ADGRB2: variants seen among roughly 807,000 people sequenced by gnomAD.
ADGRB2 encodes the protein adhesion G protein-coupled receptor B2, also known as brain-specific angiogenesis inhibitor 2.
Under a neutral mutation model 178.7 loss-of-function variants are expected in ADGRB2, and 47 were observed. That is an observed-to-expected ratio of 0.26 (90% CI 0.21 to 0.34). The LOEUF is 0.34. Ranked by LOEUF, ADGRB2 falls within the 10% of genes least tolerant of loss-of-function variation. ADGRB2 has a pLI of 1.00. For missense variants in ADGRB2, 1,584 were observed against 2,180.8 expected (o/e 0.73, Z 5.45); for synonymous variants, 870 against 912.4 (o/e 0.95, Z 0.84).
intron 4 of ADGRB2, among the ~76,000 whole-genome samples, chr1:31,748,176 G>A (rs1012545130): frequency 2.0e-5 from 3 of 152,218 alleles, no homozygotes; most frequent in Non-Finnish European, 2.9e-5. Flanking sequence ...TGTAACAGGA[G>A]GGGCAGGGCG....
rs960815765 is a variant in ADGRB2 at position 31,753,901 on chromosome 1, A to G, written c.838+2098T>C. Among the ~76,000 whole-genome samples the G allele has an allele frequency of 6.6e-6, 1 of 152,188 alleles. No individual in the cohort carries two copies. Among genetic ancestry groups the G allele is most frequent in the Non-Finnish European group, 1.5e-5 (1 of 68,016 alleles). ...GCCCAGCTCTGGGCACCAGTGTGCC[A>G]TGTGAGCCCACTTATGACAGCTGAT... On this transcript the variant is annotated intron_variant, in intron 4 of 32. Transcript: ENST00000373658. This position sits in a 1 kb window ranked among gnomAD's most constrained non-coding sequence, Gnocchi z 4.1.
At chr1:31,736,791 C>T in intron 20 of ADGRB2, 68 bp from the exon 21 acceptor site, 7 of 1,545,932 alleles carry the variant, frequency 4.5e-6, no homozygotes, top group African/African-American at 1.4e-5. Flanking sequence ...CCGGGCTTCC[C>T]ACGCCCGCTG....
rs1646795748 is a variant in ADGRB2 at position 31,755,676 on chromosome 1, G to C, written c.838+323C>G. 6.6e-6 allele frequency among the ~76,000 whole-genome samples: 1 copy of C among 151,680 alleles called. No homozygotes were observed. The highest frequency in any genetic ancestry group is 2.1e-4 in the South Asian group (1 of 4,814). The stretch of plus-strand genomic sequence containing the variant: ...CCTAGAATGCCCTCATCTCACTTCT[G>C]CTTGTCCTTCAGGTCTCTGTTCCTG... On this transcript the variant is annotated intron_variant, in intron 4 of 32. Transcript: ENST00000373658. This position sits in a 1 kb window ranked among gnomAD's most constrained non-coding sequence, Gnocchi z 5.1.
intron 29 of ADGRB2, 43 bp downstream of exon 29, chr1:31,730,757 G>T: frequency 7.1e-7 from 1 of 1,417,686 alleles, no homozygotes; most frequent in South Asian, 1.9e-5. Flanking sequence ...GCCTGTGATT[G>T]ACACAGTCTC....
At chr1:31,732,880 G>T in intron 26 of ADGRB2, 92 bp downstream of exon 26, 1 of 1,458,888 alleles carries the variant, frequency 6.9e-7, no homozygotes, top group Non-Finnish European at 9.2e-7. Flanking sequence ...ACCCTGGTCG[G>T]GGCCTCGATC....
intron 21 of ADGRB2, 91 bp from the exon 22 acceptor site, chr1:31,736,481 C>A: frequency 6.2e-7 from 1 of 1,601,194 alleles, no homozygotes; most frequent in South Asian, 1.1e-5. Context: ...ACCCCTGTGC[C>A]CAGAGAGCTG....
chr1:31,757,907 G>A (rs1197112971), intron 1 of ADGRB2, among the ~76,000 whole-genome samples: 1 of 152,178 alleles, frequency 6.6e-6, no homozygotes, highest in East Asian at 1.9e-4. Flanking sequence ...ATGTACTCCA[G>A]GTGTGGGTGG....
rs1254714721 is a variant in ADGRB2, at chr1:31,764,307, C to T, written c.-614G>A. 1 of 155,614 alleles carries T rather than the reference C, an allele frequency of 6.4e-6. No individual in the cohort carries two copies. Among genetic ancestry groups the T allele is most frequent in the African/African-American group, 2.5e-5 (1 of 40,750 alleles). 9.6% of individuals were successfully genotyped at this position (155,614 alleles called of 1,614,324 possible). A position where few individuals can be genotyped will look rare whatever the true frequency, so the allele number is the denominator to read the frequency against. ...GCCGAACCCGGTTCCTCCGGCCGCT[C>T]CGGCCGCTGCCCGCAGCGCGCGCCG... On this transcript the variant is annotated 5_prime_UTR_variant, in exon 1 of 33. Coordinates refer to ENST00000373658, the MANE Select transcript of ADGRB2 (RefSeq NM_001364857.2). The surrounding 1 kb of genome is among the most constrained non-coding windows in gnomAD (Gnocchi z 7.3).
chr1:31,741,801 T>C lies in ADGRB2; in HGVS notation c.1584A>G (p.Pro528=). The change falls in exon 9 of 33, where the codon CCA becomes CCG. Residue 528 remains proline (P), a splice_region_variant and synonymous_variant. Coordinates refer to ENST00000373658, the MANE Select transcript of ADGRB2 (RefSeq NM_001364857.2). This position sits in a 1 kb window ranked among gnomAD's most constrained non-coding sequence, Gnocchi z 6.5. ...CCCCCAGGGTCATTAGGGCAGTACC[T>C]GGACACCTCTTCTCACTACAAGGCT... ...EVKPCSEKRC[P]AFHEMCRDEY... is the part of the protein sequence containing the mutation. 1 of 1,593,552 alleles carries C rather than the reference T, an allele frequency of 6.3e-7. No homozygotes were observed. Among genetic ancestry groups the C allele is most frequent in the East Asian group, 2.2e-5 (1 of 44,530 alleles).
rs1305676768 is a variant in ADGRB2, at chr1:31,753,192, C to G, written c.838+2807G>C. 6.6e-6 allele frequency among the ~76,000 whole-genome samples: 1 copy of G among 152,232 alleles called. No homozygotes were observed. The highest frequency in any genetic ancestry group is 1.5e-5 in the Non-Finnish European group (1 of 68,030). On this transcript the variant is annotated intron_variant, in intron 4 of 32. Coordinates refer to ENST00000373658, the MANE Select transcript of ADGRB2 (RefSeq NM_001364857.2). The surrounding 1 kb of genome is among the most constrained non-coding windows in gnomAD (Gnocchi z 4.1). ...GCCCGCCTTCCAGCCCTGACCTCAGCCAGCCTCCGTGCCAGTCCTCCACCA... is the reference window on the plus strand; with the variant it reads ...GCCCGCCTTCCAGCCCTGACCTCAGGCAGCCTCCGTGCCAGTCCTCCACCA...
At chr1:31,742,622 G>A (rs1222811243) in intron 7 of ADGRB2, among the ~76,000 whole-genome samples, 6 of 152,238 alleles carry the variant, frequency 3.9e-5, no homozygotes, top group Admixed American at 6.5e-5. Flanking sequence ...TCTTGATGGC[G>A]TCACAGGGTA....
At chr1:31,747,923 C>T (rs181992379) in intron 4 of ADGRB2, among the ~76,000 whole-genome samples, 4 of 152,332 alleles carry the variant, frequency 2.6e-5, no homozygotes, top group African/African-American at 9.6e-5. Flanking sequence ...GAGCTCCTGG[C>T]CCCTATTTAT....
rs1420459211 is a variant in ADGRB2 at position 31,735,578 on chromosome 1, A to G, written c.3353+2T>C. 6.2e-7 allele frequency: 1 copy of G among 1,613,062 alleles called. No individual in the cohort carries two copies. Among genetic ancestry groups the G allele is most frequent in the East Asian group, 2.2e-5 (1 of 44,840 alleles). ...GCCAAGTCTCAGAGGCCCCCCCCTT[A>G]CCCGGCCCTCTGCTTCTTGGATTTG... On this transcript the variant is annotated splice_donor_variant, in intron 24 of 32. Transcript: ENST00000373658. LOFTEE classifies it high-confidence loss of function. This position sits in a 1 kb window ranked among gnomAD's most constrained non-coding sequence, Gnocchi z 6.0.
In ADGRB2 at chr1:31,756,317, C is replaced by A. The variant is rs200554940; in HGVS notation, c.520G>T (p.Ala174Ser). The part of the protein sequence containing the change: ...AEPSEAPRLL[A>S]PAALAFRFVE... The stretch of plus-strand genomic sequence containing the variant: ...AAGCGGAAGGCTAGGGCAGCGGGCG[C>A]CAGCAGGCGCGGGGCCTCGGAGGGC... Residue 174 changes from alanine to serine, a missense_variant, in exon 4 of 33, where the codon GCG becomes TCG. Around this residue, in one of 3 missense-constraint regions of ADGRB2, gnomAD observed 657 missense variants for 847.6 expected, o/e 0.78. Coordinates refer to ENST00000373658, the MANE Select transcript of ADGRB2 (RefSeq NM_001364857.2). The surrounding 1 kb of genome is among the most constrained non-coding windows in gnomAD (Gnocchi z 8.5). 23 of 1,612,908 alleles carry A rather than the reference C, an allele frequency of 1.4e-5. No homozygotes were observed. The highest frequency in any genetic ancestry group is 1.9e-5 in the Non-Finnish European group (23 of 1,179,904).
Position 31,759,612 on chromosome 1 carries a change from A to G in ADGRB2, c.-190-2101T>C, listed in dbSNP as rs1022431077. ...CTCATTCTGGGATTTCGTCCTGGAC[A>G]TGCGTAACCCTCACTGTGCCGGCTA... On this transcript the variant is annotated intron_variant, in intron 1 of 32. Coordinates refer to ENST00000373658, the MANE Select transcript of ADGRB2 (RefSeq NM_001364857.2). The surrounding 1 kb of genome is among the most constrained non-coding windows in gnomAD (Gnocchi z 4.3). 4.6e-5 allele frequency among the ~76,000 whole-genome samples: 7 copies of G among 152,210 alleles called. No homozygotes were observed. The highest frequency in any genetic ancestry group is 1.7e-4 in the African/African-American group (7 of 41,438).
Position 31,757,482 on chromosome 1 carries a change from G to A in ADGRB2, c.-161C>T. 1.9e-6 allele frequency: 1 copy of A among 538,934 alleles called. No homozygotes were observed. Among genetic ancestry groups the A allele is most frequent in the Non-Finnish European group, 3.3e-6 (1 of 299,008 alleles). 33.4% of individuals were successfully genotyped at this position (538,934 alleles called of 1,614,324 possible). On this transcript the variant is annotated 5_prime_UTR_variant, in exon 2 of 33. Coordinates refer to ENST00000373658, the MANE Select transcript of ADGRB2 (RefSeq NM_001364857.2). Reference sequence around the variant, plus strand: ...CCCACAGGAGGGCACTGTCAGTGTGGACGTCACATGTATCACTGCTGTGGA... The same window carrying A: ...CCCACAGGAGGGCACTGTCAGTGTGAACGTCACATGTATCACTGCTGTGGA...
chr1:31,742,798 C>CT, intron 7 of ADGRB2, 40 bp downstream of exon 7: 1 of 1,388,002 alleles, frequency 7.2e-7, no homozygotes, highest in Non-Finnish European at 9.4e-7. Flanking sequence ...CCCCACCGGG[C>CT]TGGGCAGCGC....
At chr1:31,751,735 G>A (rs1646582562) in intron 4 of ADGRB2, among the ~76,000 whole-genome samples, 1 of 152,106 alleles carries the variant, frequency 6.6e-6, no homozygotes, top group Non-Finnish European at 1.5e-5. Context: ...AAATTTCACA[G>A]GCTAGTGAAT....
rs1646055556 is a variant in ADGRB2, at chr1:31,742,898, C to T, written c.1192G>A (p.Gly398Ser). 4.5e-6 allele frequency: 7 copies of T among 1,541,296 alleles called. No homozygotes were observed. The highest frequency in any genetic ancestry group is 1.4e-5 in the African/African-American group (1 of 72,348). Residue 398 changes from glycine (G) to serine (S), a missense_variant, in exon 7 of 33, where the codon GGC becomes AGC. Transcript: ENST00000373658. ...MRTCVPPQHG[G>S]KACEGPELQT... Reference sequence around the variant, plus strand: ...AGCTCAGGACCCTCGCAGGCCTTGCCGCCGTGCTGGGGGGGCACGCAGGTC... The same window carrying T: ...AGCTCAGGACCCTCGCAGGCCTTGCTGCCGTGCTGGGGGGGCACGCAGGTC...
Sources: allele counts gnomAD v4.1 joint callset (sites outside exome capture counted in the v4.1 genomes callset), GRCh38; gene constraint gnomAD v4.1.1; regional missense constraint gnomAD v4.1.1; non-coding constraint Gnocchi (gnomAD v3.1); transcripts MANE v1.5; gene names NCBI Gene and HGNC (gene_info 2026-07-23, HGNC 2026-07-21).